The following ERCC6L variants were observed in gnomAD, a reference collection of about 807,000 sequenced individuals.
ERCC6L encodes the protein ERCC excision repair 6 like, spindle assembly checkpoint helicase.
Under a neutral mutation model 20.1 loss-of-function variants are expected in ERCC6L, and 7 were observed. The observed-to-expected ratio is 0.35, with a 90% confidence interval of 0.20 to 0.65. ERCC6L has a LOEUF of 0.65. ERCC6L is among the 30% of genes least tolerant of loss of function. The probability of loss-of-function intolerance (pLI) is 0.69; values close to 1 mark genes in which losing one functional copy is unlikely to be tolerated. For synonymous variants in ERCC6L, 278 were observed against 331.3 expected, an observed-to-expected ratio of 0.84 and a Z score of 1.75; for missense variants, 592 against 892.4, an observed-to-expected ratio of 0.66 and a Z score of 4.29.
intron 1 of ERCC6L, among the ~76,000 whole-genome samples, chrX:72,216,930 T>A (rs1194021040): frequency 1.8e-5 from 2 of 112,419 alleles, no homozygotes; most frequent in Non-Finnish European, 3.8e-5. Flanking sequence ...AGTCAGGATG[T>A]TAGCCACCAA....
At chrX:72,226,346 C>T (rs1196594070) in intron 1 of ERCC6L, among the ~76,000 whole-genome samples, 1 of 112,085 alleles carries the variant, frequency 8.9e-6, no homozygotes. Context: ...ATGATACCCA[C>T]CTAGAAGAGT....
intron 1 of ERCC6L, among the ~76,000 whole-genome samples, chrX:72,229,324 G>A (rs1023785928): frequency 2.7e-5 from 3 of 111,857 alleles, no homozygotes; most frequent in Non-Finnish European, 5.6e-5. Flanking sequence ...CAACTGGCTC[G>A]TTTGACAGCC....
At chrX:72,222,743 G>A (rs754541652) in intron 1 of ERCC6L, among the ~76,000 whole-genome samples, 12 of 108,850 alleles carry the variant, frequency 1.1e-4, no homozygotes, top group South Asian at 8.3e-4. Flanking sequence ...GATTACAGGC[G>A]CGTGTCACCA....
Position 72,222,887 on chromosome X carries a change from C to T in ERCC6L, c.69-14189G>A, listed in dbSNP as rs376281398. Among the ~76,000 whole-genome samples the T allele has an allele frequency of 7.2e-4, 78 of 107,608 alleles. No individual in the cohort carries two copies. In the East Asian group the frequency reaches 9.7e-3, roughly 13 times the overall value. The allele number at this position is 107,608 out of a possible 115,157, so 93.4% of individuals were successfully genotyped here. A position where few individuals can be genotyped will look rare whatever the true frequency, so the allele number is the denominator to read the frequency against. ...CTGGGATTACAGGCATGAGCCACTG[C>T]GCCCGGCCTGAATCCTGCCCTTTTC... is the stretch of plus-strand genomic sequence containing the variant. On this transcript the variant is annotated intron_variant, in intron 1 of 1. Coordinates refer to ENST00000334463, the MANE Select transcript of ERCC6L (RefSeq NM_017669.4).
intron 1 of ERCC6L, among the ~76,000 whole-genome samples, chrX:72,237,491 G>C (rs912130049): frequency 9.0e-6 from 1 of 110,924 alleles, no homozygotes; most frequent in African/African-American, 3.3e-5. Flanking sequence ...CCAGCTACTC[G>C]GGAGGCTGAG....
rs746054677 is a variant in ERCC6L at position 72,219,282 on chromosome X, G to A, written c.69-10584C>T. Among the ~76,000 whole-genome samples, 6 of 108,220 alleles carry A rather than the reference G, an allele frequency of 5.5e-5. No individual in the cohort carries two copies. The East Asian group carries it at 1.8e-3, about 32-fold the overall frequency. 94.0% of individuals were successfully genotyped at this position (108,220 alleles called of 115,157 possible). ...GAAATAAATAAATAAGGCCAGGTGCGGTGGCTCATGCCTGTAATCCCAGTA... is the reference window on the plus strand; with the variant it reads ...GAAATAAATAAATAAGGCCAGGTGCAGTGGCTCATGCCTGTAATCCCAGTA... On this transcript the variant is annotated intron_variant, in intron 1 of 1. Coordinates refer to ENST00000334463, the MANE Select transcript of ERCC6L (RefSeq NM_017669.4).
intron 1 of ERCC6L, among the ~76,000 whole-genome samples, chrX:72,211,538 C>T (rs1056295324): frequency 9.8e-5 from 11 of 111,836 alleles, no homozygotes; most frequent in African/African-American, 3.3e-4. Context: ...TCCCCAAACA[C>T]GTGAGGATTA....
At position 72,230,421 on chromosome X, in the gene ERCC6L, C is replaced by T. The variant is rs766462439; in HGVS notation, c.68+8423G>A. Among the ~76,000 whole-genome samples the T allele has an allele frequency of 6.3e-5, 7 of 111,051 alleles. 1 individual carries two copies. The South Asian group carries it at 1.1e-3, about 18-fold the overall frequency. On this transcript the variant is annotated intron_variant, in intron 1 of 1. Transcript: ENST00000334463. Reference sequence around the variant, plus strand: ...CCTGCCATAAAACCTCTCCCTCACACAGAAACATTCCAAGCTTGTGATAAG... The same window carrying T: ...CCTGCCATAAAACCTCTCCCTCACATAGAAACATTCCAAGCTTGTGATAAG...
rs1238680107 is a variant in ERCC6L at position 72,206,811 on chromosome X, A to C, written c.1956T>G (p.Ser652=). Residue 652 remains serine (S), a synonymous_variant, in exon 2 of 2, where the codon TCT becomes TCG. Coordinates refer to ENST00000334463, the MANE Select transcript of ERCC6L (RefSeq NM_017669.4). ...CAATATGTTCATCTAGTTTTATATC[A>C]GATTTCCTCTGAGCAGCATGCAAAG... ...LQSLHAAQRK[S]DIKLDEHIAY... The C allele has an allele frequency of 1.7e-6, 2 of 1,211,217 alleles. No individual in the cohort carries two copies. Among genetic ancestry groups the C allele is most frequent in the Admixed American group, 4.3e-5 (2 of 45,980 alleles).
chrX:72,211,403 A>G (rs2042853403), intron 1 of ERCC6L, among the ~76,000 whole-genome samples: 1 of 111,410 alleles, frequency 9.0e-6, no homozygotes, highest in Admixed American at 9.6e-5. Flanking sequence ...TTTTAATTCC[A>G]TAGGAATGGA....
chrX:72,235,836 T>C (rs2043014571), intron 1 of ERCC6L, among the ~76,000 whole-genome samples: 1 of 112,014 alleles, frequency 8.9e-6, no homozygotes, highest in African/African-American at 3.2e-5. Flanking sequence ...GAAATTAGTA[T>C]GTGGATATCC....
intron 1 of ERCC6L, among the ~76,000 whole-genome samples, chrX:72,217,031 G>GA (rs1247290456): frequency 1.1e-4 from 12 of 112,347 alleles, no homozygotes; most frequent in Non-Finnish European, 1.1e-4. Flanking sequence ...TGCTATGCCA[G>GA]AAAAAAGGAT....
At chrX:72,211,512 C>A (rs1404530214) in intron 1 of ERCC6L, among the ~76,000 whole-genome samples, 1 of 112,066 alleles carries the variant, frequency 8.9e-6, no homozygotes, top group African/African-American at 3.2e-5. Context: ...CATCTAATCA[C>A]CTCCCACAAG....
chrX:72,230,523 C>CCT (rs2147602400), intron 1 of ERCC6L, among the ~76,000 whole-genome samples: 1 of 112,496 alleles, frequency 8.9e-6, no homozygotes, highest in East Asian at 2.8e-4. Context: ...GCCAGAAGCC[C>CCT]CTCTCAGGTT....
intron 1 of ERCC6L, among the ~76,000 whole-genome samples, chrX:72,229,956 G>C (rs2042974065): frequency 1.8e-5 from 2 of 111,108 alleles, no homozygotes; most frequent in South Asian, 3.8e-4. Flanking sequence ...ACTTTGGGAG[G>C]CCGAGGCAGG....
At chrX:72,236,984 C>T (rs2043020723) in intron 1 of ERCC6L, among the ~76,000 whole-genome samples, 2 of 112,026 alleles carry the variant, frequency 1.8e-5, no homozygotes, top group African/African-American at 6.5e-5. Context: ...ACTCATATAG[C>T]TCATCACACA....
At chrX:72,214,902 G>T (rs1028713812) in intron 1 of ERCC6L, among the ~76,000 whole-genome samples, 1 of 106,839 alleles carries the variant, frequency 9.4e-6, no homozygotes, top group African/African-American at 3.4e-5. Flanking sequence ...CAGGAAAATC[G>T]CTTGAACTCA....
chrX:72,237,523 G>A (rs1194327487), intron 1 of ERCC6L, among the ~76,000 whole-genome samples: 2 of 109,523 alleles, frequency 1.8e-5, no homozygotes, highest in Admixed American at 9.8e-5. Flanking sequence ...GCGTGAACCC[G>A]GAAGGCGGAG....
At chrX:72,228,411 C>A (rs772300071) in intron 1 of ERCC6L, among the ~76,000 whole-genome samples, 14 of 112,004 alleles carry the variant, frequency 1.2e-4, no homozygotes, top group African/African-American at 3.9e-4. Context: ...TTTCATTATA[C>A]TTCTCTCAAG....
Sources: gnomAD v4.1 joint callset for allele counts (sites outside exome capture counted in the v4.1 genomes callset) on GRCh38, gnomAD v4.1.1 for gene constraint, MANE v1.5 for transcripts, NCBI Gene and HGNC (gene_info 2026-07-23, HGNC 2026-07-21) for gene names.